The following RALGPS2 variants were observed in gnomAD, a reference collection of about 807,000 sequenced individuals.
The protein encoded by RALGPS2 is Ral GEF with PH domain and SH3 binding motif 2, also known as ras-specific guanine nucleotide-releasing factor RalGPS2.
A neutral mutation model predicts 86.8 loss-of-function variants in RALGPS2; 43 were observed. The observed-to-expected ratio is 0.50, with a 90% CI of 0.39 to 0.64. RALGPS2 has a LOEUF of 0.64. Ranked by LOEUF, RALGPS2 falls within the 30% of genes least tolerant of loss-of-function variation. The probability of loss-of-function intolerance (pLI) is 0.00; values close to 1 mark genes in which losing one functional copy is unlikely to be tolerated. For synonymous variants in RALGPS2, 243 were observed against 231.3 expected (o/e 1.05, Z -0.46); for missense variants, 536 against 694.6 (o/e 0.77, Z 2.57).
chr1:178,852,789 GA>G (rs1360948265), intron 8 of RALGPS2: 8 of 1,613,796 alleles, frequency 5.0e-6, no homozygotes. Context: ...GCAGTCTATA[GA>G]ATTCACTTTC....
At chr1:178,781,504 A>AGCAAG (rs1653393875) in intron 2 of RALGPS2, among the ~76,000 whole-genome samples, 3 of 152,210 alleles carry the variant, frequency 2.0e-5, no homozygotes, top group African/African-American at 4.8e-5. Flanking sequence ...TCTCCTGGTG[A>AGCAAG]ACATTATTGC....
At chr1:178,883,749 G>C (rs1189382948) in intron 11 of RALGPS2, among the ~76,000 whole-genome samples, 1 of 152,130 alleles carries the variant, frequency 6.6e-6, no homozygotes, top group Non-Finnish European at 1.5e-5. Context: ...ACTTTGGGAG[G>C]CCGAGGCGGG....
At chr1:178,909,403 TTTG>T (rs369628282) in intron 19 of RALGPS2, among the ~76,000 whole-genome samples, 134 of 151,688 alleles carry the variant, frequency 8.8e-4, no homozygotes, top group Non-Finnish European at 1.6e-3. Flanking sequence ...TATTTGGGCT[TTTG>T]TTGTTGTTGT....
At chr1:178,798,873 T>C (rs986636727) in intron 4 of RALGPS2, among the ~76,000 whole-genome samples, 15 of 152,288 alleles carry the variant, frequency 9.8e-5, no homozygotes, top group Admixed American at 2.0e-4. Flanking sequence ...AGCTGGAGAA[T>C]TTAATGCCAG....
chr1:178,834,062 A>G (rs1656152446), intron 8 of RALGPS2, among the ~76,000 whole-genome samples: 1 of 152,208 alleles, frequency 6.6e-6, no homozygotes, highest in Non-Finnish European at 1.5e-5. Context: ...TCTCTTTATT[A>G]TATATCTTGT....
At chr1:178,905,048 T>C (rs1353248290) in intron 18 of RALGPS2, among the ~76,000 whole-genome samples, 1 of 152,152 alleles carries the variant, frequency 6.6e-6, no homozygotes, top group Admixed American at 6.5e-5. Context: ...TGTAGTTTCC[T>C]TGTAGAGCTC....
rs563530294 is a variant in RALGPS2, at chr1:178,814,406, G to A, written c.387+3002G>A. Among the ~76,000 whole-genome samples, 54 of 152,186 alleles carry A rather than the reference G, an allele frequency of 3.5e-4. No homozygotes were observed. In the South Asian group the frequency reaches 3.9e-3, roughly 11 times the overall value. On this transcript the variant is annotated intron_variant, in intron 6 of 19. Transcript: ENST00000367635. ...TTGAAGCCCTAGAAATACAGAGTTC[G>A]TACTAGCAGTGAAATTACTGAGTCT...
intron 7 of RALGPS2, among the ~76,000 whole-genome samples, chr1:178,829,640 T>C (rs915759453): frequency 1.3e-5 from 2 of 152,200 alleles, no homozygotes; most frequent in Non-Finnish European, 2.9e-5. Flanking sequence ...TCTGGAGATC[T>C]AATGTACAGC....
intron 19 of RALGPS2, among the ~76,000 whole-genome samples, chr1:178,915,329 G>T (rs571944454): frequency 1.3e-5 from 2 of 152,132 alleles, no homozygotes; most frequent in Admixed American, 1.3e-4. Context: ...TCTGCCTCCC[G>T]GGTTCAAGCC....
At chr1:178,906,676 A>G in intron 18 of RALGPS2, 100 bp from the exon 19 acceptor site, 1 of 855,048 alleles carries the variant, frequency 1.2e-6, no homozygotes, top group Non-Finnish European at 1.8e-6. Flanking sequence ...CTAAAACTGA[A>G]AACTCTAGTC....
At chr1:178,735,645 T>C (rs1650649034) in intron 1 of RALGPS2, among the ~76,000 whole-genome samples, 1 of 149,158 alleles carries the variant, frequency 6.7e-6, no homozygotes, top group South Asian at 2.1e-4. Flanking sequence ...TCACCATATT[T>C]GATTGGTGGT....
At chr1:178,808,242 C>T in intron 5 of RALGPS2, 114 bp downstream of exon 5, 1 of 745,286 alleles carries the variant, frequency 1.3e-6, no homozygotes, top group Non-Finnish European at 2.3e-6. Context: ...CAGCCAGTAT[C>T]TCTCAAGTAT....
chr1:178,822,526 A>C (rs1443091970), intron 7 of RALGPS2, among the ~76,000 whole-genome samples: 1 of 152,086 alleles, frequency 6.6e-6, no homozygotes, highest in Admixed American at 6.5e-5. Flanking sequence ...ATAACTTTTT[A>C]ATTAACAAAG....
intron 9 of RALGPS2, 93 bp downstream of exon 9, chr1:178,877,728 G>A: frequency 7.0e-7 from 1 of 1,434,542 alleles, no homozygotes; most frequent in Non-Finnish European, 9.5e-7. Context: ...ACACAGCAGG[G>A]GACATCAATT....
chr1:178,789,712 T>A (rs80178208), intron 4 of RALGPS2, among the ~76,000 whole-genome samples: 1 of 152,198 alleles, frequency 6.6e-6, no homozygotes, highest in East Asian at 1.9e-4. Context: ...GTGGGTGAGA[T>A]TATCAAGAGA....
At chr1:178,794,785 C>A (rs943884981) in intron 4 of RALGPS2, among the ~76,000 whole-genome samples, 2 of 152,136 alleles carry the variant, frequency 1.3e-5, no homozygotes, top group African/African-American at 4.8e-5. Flanking sequence ...GAAATTTGTG[C>A]TGTAGTTATT....
chr1:178,789,299 G>A (rs542257459), intron 4 of RALGPS2, among the ~76,000 whole-genome samples: 2 of 152,198 alleles, frequency 1.3e-5, no homozygotes, highest in African/African-American at 4.8e-5. Context: ...AGGAGACCAC[G>A]TGAGAGATGA....
chr1:178,833,818 G>C (rs1656138099), intron 8 of RALGPS2, among the ~76,000 whole-genome samples: 1 of 152,030 alleles, frequency 6.6e-6, no homozygotes, highest in Non-Finnish European at 1.5e-5. Context: ...AATATTTTTA[G>C]CTGTTTTAGT....
intron 8 of RALGPS2, among the ~76,000 whole-genome samples, chr1:178,852,468 T>C (rs73039835): frequency 0.052 from 7,956 of 152,212 alleles, 725 homozygotes; most frequent in African/African-American, 0.18. Flanking sequence ...TGTGTTTTTT[T>C]CCCAGAACTT....
Sources: allele counts gnomAD v4.1 joint callset (sites outside exome capture counted in the v4.1 genomes callset), GRCh38; gene constraint gnomAD v4.1.1; transcripts MANE v1.5; gene names NCBI Gene and HGNC (gene_info 2026-07-23, HGNC 2026-07-21).